The following ROBO2 variants were observed in gnomAD, a reference collection of about 807,000 sequenced individuals.
The protein encoded by ROBO2 is roundabout guidance receptor 2.
ROBO2 carries 53 observed loss-of-function variants against 160.8 expected under a neutral mutation model. The ratio of observed to expected loss-of-function variants is 0.33; its 90% CI spans 0.26 to 0.41. ROBO2 has a LOEUF of 0.41. ROBO2 is among the 10% of genes least tolerant of loss of function. ROBO2 has a pLI of 1.00. For missense variants in ROBO2, 1,577 were observed against 1,722.4 expected (o/e 0.92, Z 1.49); for synonymous variants, 664 against 611.7 (o/e 1.09, Z -1.26).
chr3:76,602,585 G>T (rs1208384462), intron 2 of ROBO2, among the ~76,000 whole-genome samples: 1 of 152,198 alleles, frequency 6.6e-6, no homozygotes, highest in African/African-American at 2.4e-5. Flanking sequence ...CAAACCATCA[G>T]ATCTCATGAG....
intron 2 of ROBO2, among the ~76,000 whole-genome samples, chr3:76,284,533 T>C (rs1041909340): frequency 2.6e-5 from 4 of 152,252 alleles, no homozygotes; most frequent in African/African-American, 9.6e-5. Context: ...GATTATCCAT[T>C]CATTTTCCAA....
intron 2 of ROBO2, among the ~76,000 whole-genome samples, chr3:76,142,659 G>A (rs1017165563): frequency 1.3e-5 from 2 of 151,910 alleles, no homozygotes; most frequent in African/African-American, 4.8e-5. Context: ...GTTACCAGAG[G>A]CTGGGAAGGG....
intron 2 of ROBO2, among the ~76,000 whole-genome samples, chr3:76,835,641 T>C (rs1382984407): frequency 1.3e-5 from 2 of 151,814 alleles, no homozygotes; most frequent in Admixed American, 1.3e-4. Flanking sequence ...ATTTGCATTT[T>C]GCATATTAGT....
chr3:76,495,882 TTA>T (rs973207033), intron 2 of ROBO2, among the ~76,000 whole-genome samples: 57 of 152,344 alleles, frequency 3.7e-4, no homozygotes, highest in African/African-American at 1.3e-3. Context: ...ATGCATGGTT[TTA>T]TGTTTCTATG....
At chr3:75,927,184 G>C (rs1947325766) in intron 1 of ROBO2, among the ~76,000 whole-genome samples, 1 of 151,986 alleles carries the variant, frequency 6.6e-6, no homozygotes, top group Non-Finnish European at 1.5e-5. Flanking sequence ...CAAACTTCTT[G>C]GATATAGCAT....
intron 21 of ROBO2, among the ~76,000 whole-genome samples, chr3:77,608,431 T>C (rs1413041329): frequency 6.6e-6 from 1 of 152,180 alleles, no homozygotes; most frequent in Non-Finnish European, 1.5e-5. Flanking sequence ...ACTTTAATCA[T>C]CAGCTCTGAT....
At chr3:77,462,018 G>A (rs529739391) in intron 2 of ROBO2, among the ~76,000 whole-genome samples, 6 of 152,090 alleles carry the variant, frequency 3.9e-5, no homozygotes, top group Admixed American at 1.3e-4. Flanking sequence ...GAGCCACCAC[G>A]CCTGGCCTGA....
At chr3:75,986,543 G>A (rs2065420726) in intron 2 of ROBO2, among the ~76,000 whole-genome samples, 1 of 151,372 alleles carries the variant, frequency 6.6e-6, no homozygotes, top group Non-Finnish European at 1.5e-5. Context: ...TTTAAAAAAA[G>A]TTTATCAAGT....
chr3:76,732,880 G>C (rs1186971545), intron 2 of ROBO2, among the ~76,000 whole-genome samples: 1 of 151,634 alleles, frequency 6.6e-6, no homozygotes, highest in Non-Finnish European at 1.5e-5. Context: ...TTTATGATGA[G>C]TCCAATGCAC....
chr3:75,907,852 C>CGCGTGT (rs1553699047), intron 1 of ROBO2, among the ~76,000 whole-genome samples: 3 of 148,570 alleles, frequency 2.0e-5, no homozygotes, highest in Non-Finnish European at 3.0e-5. Context: ...TAATCGTGTG[C>CGCGTGT]GTGTGTGTGT....
At chr3:77,370,446 T>C (rs1198235388) in intron 2 of ROBO2, among the ~76,000 whole-genome samples, 1 of 152,216 alleles carries the variant, frequency 6.6e-6, no homozygotes, top group Non-Finnish European at 1.5e-5. Context: ...AGTCCCTTCT[T>C]AGTTGCCACT....
At chr3:76,562,720 T>C (rs1197081886) in intron 2 of ROBO2, among the ~76,000 whole-genome samples, 1 of 152,218 alleles carries the variant, frequency 6.6e-6, no homozygotes, top group Non-Finnish European at 1.5e-5. Flanking sequence ...TAATATTTTG[T>C]CATGTCTTTC....
chr3:77,328,056 G>A (rs1360226558), intron 2 of ROBO2, among the ~76,000 whole-genome samples: 19 of 85,288 alleles, frequency 2.2e-4, no homozygotes, highest in Non-Finnish European at 1.8e-4. Flanking sequence ...GTGTGAGACC[G>A]TATCTCAAAA....
At chr3:77,636,281 G>A (rs2095262443) in intron 24 of ROBO2, among the ~76,000 whole-genome samples, 2 of 152,056 alleles carry the variant, frequency 1.3e-5, no homozygotes, top group Non-Finnish European at 2.9e-5. Flanking sequence ...TGCCATTGTT[G>A]TATGACTGCA....
chr3:76,422,515 A>C (rs551140732), intron 2 of ROBO2, among the ~76,000 whole-genome samples: 1 of 152,314 alleles, frequency 6.6e-6, no homozygotes, highest in African/African-American at 2.4e-5. Flanking sequence ...TGCGTGTTTG[A>C]TCTGTATTAA....
At chr3:77,372,521 C>T (rs957909656) in intron 2 of ROBO2, among the ~76,000 whole-genome samples, 2 of 152,028 alleles carry the variant, frequency 1.3e-5, no homozygotes, top group African/African-American at 2.4e-5. Flanking sequence ...ATCATGTCAC[C>T]GTGCATAAAA....
intron 2 of ROBO2, among the ~76,000 whole-genome samples, chr3:76,116,310 A>G (rs1015859425): frequency 1.3e-5 from 2 of 152,168 alleles, no homozygotes; most frequent in Non-Finnish European, 2.9e-5. Flanking sequence ...TCGAGCTTCA[A>G]TTAAGTATTC....
chr3:77,152,304 T>A (rs1003371668), intron 2 of ROBO2, among the ~76,000 whole-genome samples: 15 of 152,326 alleles, frequency 9.8e-5, no homozygotes, highest in African/African-American at 2.6e-4. Flanking sequence ...ACAGCTAAAA[T>A]TAATTTAATA....
intron 12 of ROBO2, among the ~76,000 whole-genome samples, chr3:77,567,474 G>A (rs187792099): frequency 1.6e-4 from 24 of 151,858 alleles, no homozygotes; most frequent in Non-Finnish European, 2.4e-4. Flanking sequence ...TTAATGGACC[G>A]AGAATATAAA....
Sources: allele counts gnomAD v4.1 joint callset (sites outside exome capture counted in the v4.1 genomes callset), GRCh38; gene constraint gnomAD v4.1.1; transcripts MANE v1.5; gene names NCBI Gene and HGNC (gene_info 2026-07-23, HGNC 2026-07-21).